Variants in CSMD1 observed in about 807,000 individuals in gnomAD.
CSMD1 encodes CUB and sushi domain-containing protein 1.
CSMD1 carries 213 observed loss-of-function variants against 417.5 expected under a neutral mutation model. The ratio of observed to expected loss-of-function variants is 0.51; its 90% CI spans 0.46 to 0.57. The LOEUF (loss-of-function observed/expected upper bound fraction) is 0.57. Ranked by LOEUF, CSMD1 falls within the 20% of genes least tolerant of loss-of-function variation. The pLI, the probability that CSMD1 is intolerant of heterozygous loss-of-function variation, is 0.00. For synonymous variants in CSMD1, 2,862 were observed against 1,736.8 expected, an observed-to-expected ratio of 1.65 and a Z score of -16.11; for missense variants, 6,923 against 4,529.7, an observed-to-expected ratio of 1.53 and a Z score of -15.17.
At chr8:3,171,575 T>A (rs536453408) in intron 37 of CSMD1, among the ~76,000 whole-genome samples, 1 of 152,288 alleles carries the variant, frequency 6.6e-6, no homozygotes, top group South Asian at 2.1e-4. Flanking sequence ...TTACTTACCA[T>A]GAAACATTTG....
chr8:4,043,653 G>A (rs1020823378), intron 3 of CSMD1, among the ~76,000 whole-genome samples: 3 of 152,176 alleles, frequency 2.0e-5, no homozygotes, highest in African/African-American at 7.2e-5. Flanking sequence ...TCTAGGAGTG[G>A]TGGTTCCTGG....
At chr8:3,892,799 G>A (rs1246150558) in intron 5 of CSMD1, among the ~76,000 whole-genome samples, 10 of 143,736 alleles carry the variant, frequency 7.0e-5, no homozygotes, top group African/African-American at 2.3e-4. Context: ...AGTCTTCTAC[G>A]TGAACTCAGG....
At chr8:3,654,029 A>G (rs912710956) in intron 7 of CSMD1, among the ~76,000 whole-genome samples, 1 of 152,074 alleles carries the variant, frequency 6.6e-6, no homozygotes, top group African/African-American at 2.4e-5. Flanking sequence ...CACTGCTTGG[A>G]GGGGCCAACT....
chr8:3,545,807 G>C (rs1023087829), intron 10 of CSMD1, among the ~76,000 whole-genome samples: 1 of 152,194 alleles, frequency 6.6e-6, no homozygotes, highest in Non-Finnish European at 1.5e-5. Context: ...CTGTGAAAAG[G>C]CTCAGGAAGC....
chr8:4,222,443 C>A (rs1801094729), intron 3 of CSMD1, among the ~76,000 whole-genome samples: 1 of 151,842 alleles, frequency 6.6e-6, no homozygotes, highest in Non-Finnish European at 1.5e-5. Flanking sequence ...GGTCTTTGTG[C>A]ATTGTGTAGT....
intron 6 of CSMD1, among the ~76,000 whole-genome samples, chr8:3,715,636 G>T (rs535582287): frequency 6.6e-6 from 1 of 152,056 alleles, no homozygotes; most frequent in Non-Finnish European, 1.5e-5. Context: ...TCCACCTCCC[G>T]GGTTCAAGTG....
intron 6 of CSMD1, among the ~76,000 whole-genome samples, chr8:3,733,625 G>A (rs547019597): frequency 4.6e-5 from 7 of 152,098 alleles, no homozygotes; most frequent in Middle Eastern, 3.4e-3. Context: ...CCTCGGTCCC[G>A]AATCATTCCT....
intron 5 of CSMD1, among the ~76,000 whole-genome samples, chr8:3,830,074 T>G (rs1025067838): frequency 9.2e-5 from 14 of 152,332 alleles, no homozygotes; most frequent in Middle Eastern, 3.4e-3. Context: ...ACAAATCACC[T>G]TAATTTTCTT....
At chr8:3,895,075 T>A (rs918113682) in intron 5 of CSMD1, among the ~76,000 whole-genome samples, 3 of 152,182 alleles carry the variant, frequency 2.0e-5, no homozygotes, top group Non-Finnish European at 4.4e-5. Context: ...CAGTGGTCAT[T>A]ATAATTAAAC....
In CSMD1 at chr8:4,907,938, T is replaced by C. The variant is rs151009763; in HGVS notation, c.85+86394A>G. On this transcript the variant is annotated intron_variant, in intron 1 of 69. Transcript: ENST00000635120. Reference sequence around the variant, plus strand: ...CTTTTTGTGAGTTAAAATCATTTGATAGAAAATAAAAGTAAGGTTATGACT... The same window carrying C: ...CTTTTTGTGAGTTAAAATCATTTGACAGAAAATAAAAGTAAGGTTATGACT... Among the ~76,000 whole-genome samples the C allele has an allele frequency of 1.1e-4, 17 of 152,284 alleles. No homozygotes were observed. The East Asian group carries it at 2.9e-3, about 26-fold the overall frequency.
intron 4 of CSMD1, among the ~76,000 whole-genome samples, chr8:4,004,230 G>C (rs1419032819): frequency 6.6e-6 from 1 of 151,902 alleles, no homozygotes; most frequent in African/African-American, 2.4e-5. Flanking sequence ...TCAATCTTTT[G>C]TCAAGAAATA....
At chr8:4,715,982 C>T (rs1364622213) in intron 1 of CSMD1, among the ~76,000 whole-genome samples, 1 of 152,162 alleles carries the variant, frequency 6.6e-6, no homozygotes, top group Non-Finnish European at 1.5e-5. Context: ...GTGATGACTG[C>T]TTAAATCTTA....
chr8:4,254,551 T>C (rs62478858), intron 3 of CSMD1, among the ~76,000 whole-genome samples: 13,616 of 152,162 alleles, frequency 0.089, 767 homozygotes, highest in East Asian at 0.17. Flanking sequence ...AAGACTACAG[T>C]AGTGTACAGT....
chr8:3,070,631 C>T (rs1286564670), intron 49 of CSMD1, among the ~76,000 whole-genome samples: 3 of 152,134 alleles, frequency 2.0e-5, no homozygotes, highest in Admixed American at 2.0e-4. Context: ...CATCTGAGAC[C>T]CCATCAGCCT....
intron 30 of CSMD1, among the ~76,000 whole-genome samples, chr8:3,213,090 T>C (rs533930840): frequency 7.9e-5 from 12 of 151,778 alleles, no homozygotes; most frequent in African/African-American, 2.7e-4. Context: ...GCCTCCCAAA[T>C]TGCTGGGATT....
At chr8:3,542,021 G>GA (rs1241478345) in intron 10 of CSMD1, among the ~76,000 whole-genome samples, 3 of 152,014 alleles carry the variant, frequency 2.0e-5, no homozygotes, top group Admixed American at 1.3e-4. Flanking sequence ...CGAAAAAAAG[G>GA]AAAAAATATT....
intron 26 of CSMD1, among the ~76,000 whole-genome samples, chr8:3,238,087 G>C (rs1490781558): frequency 6.6e-6 from 1 of 151,830 alleles, no homozygotes; most frequent in African/African-American, 2.4e-5. Flanking sequence ...AGTCCGAAAA[G>C]AGAGTCACCG....
chr8:3,716,893 C>G (rs556701069), intron 6 of CSMD1, among the ~76,000 whole-genome samples: 1 of 152,264 alleles, frequency 6.6e-6, no homozygotes, highest in South Asian at 2.1e-4. Flanking sequence ...ATATTTTGTA[C>G]ATGGTACTAA....
intron 10 of CSMD1, among the ~76,000 whole-genome samples, chr8:3,535,980 G>A (rs1222209066): frequency 1.3e-5 from 2 of 152,134 alleles, no homozygotes; most frequent in African/African-American, 2.4e-5. Flanking sequence ...GGGCCATCCA[G>A]GGAGGGACTC....
Sources: allele counts gnomAD v4.1 joint callset (sites outside exome capture counted in the v4.1 genomes callset), GRCh38; gene constraint gnomAD v4.1.1; transcripts MANE v1.5; gene names NCBI Gene and HGNC (gene_info 2026-07-23, HGNC 2026-07-21).